The following PDE4D variants were observed in gnomAD, a reference collection of about 807,000 sequenced individuals.
PDE4D encodes the protein phosphodiesterase 4D.
A neutral mutation model predicts 87.4 loss-of-function variants in PDE4D; 24 were observed. That is an observed-to-expected ratio of 0.27 (90% CI 0.20 to 0.39). The LOEUF is 0.39. Ranked by LOEUF, PDE4D falls within the 10% of genes least tolerant of loss-of-function variation. The probability of loss-of-function intolerance (pLI) is 1.00; values close to 1 mark genes in which losing one functional copy is unlikely to be tolerated. For missense variants in PDE4D, 714 were observed against 1,041.0 expected, an observed-to-expected ratio of 0.69 and a Z score of 4.32; for synonymous variants, 384 against 383.2, an observed-to-expected ratio of 1.00 and a Z score of -0.02.
chr5:59,356,969 G>T, intron 1 of PDE4D: 2 of 1,244,716 alleles, frequency 1.6e-6, no homozygotes, highest in South Asian at 2.0e-5. Flanking sequence ...CATTTCCTTT[G>T]TGCAGTGGTA....
At chr5:59,400,069 A>G (rs1248844848) in intron 1 of PDE4D, among the ~76,000 whole-genome samples, 1 of 115,968 alleles carries the variant, frequency 8.6e-6, no homozygotes, top group African/African-American at 3.6e-5. Flanking sequence ...CAATCATTCA[A>G]AAGTCAGGAA....
chr5:59,038,731 A>G, intron 6 of PDE4D, 128 bp downstream of exon 6: 1 of 839,196 alleles, frequency 1.2e-6, no homozygotes, highest in Non-Finnish European at 1.7e-6. Flanking sequence ...TCTAAGGAGC[A>G]GAATAGCCAA....
chr5:60,114,551 A>C (rs1440471607), intron 2 of PDE4D, among the ~76,000 whole-genome samples: 1 of 152,086 alleles, frequency 6.6e-6, no homozygotes, highest in Non-Finnish European at 1.5e-5. Flanking sequence ...ATGAGTACAA[A>C]CCAGAGAACA....
At chr5:59,846,823 G>A (rs1254338522) in intron 1 of PDE4D, among the ~76,000 whole-genome samples, 1 of 152,036 alleles carries the variant, frequency 6.6e-6, no homozygotes, top group Non-Finnish European at 1.5e-5. Flanking sequence ...TTCTTGGTAG[G>A]TGGGAATGTG....
At chr5:60,459,675 G>A (rs541418422) in intron 1 of PDE4D, among the ~76,000 whole-genome samples, 83 of 152,188 alleles carry the variant, frequency 5.5e-4, no homozygotes, top group African/African-American at 1.4e-3. Context: ...ACAGAAAGGC[G>A]TAGAGACACT....
chr5:59,356,390 G>A (rs74782838), intron 1 of PDE4D, among the ~76,000 whole-genome samples: 16,518 of 152,126 alleles, frequency 0.11, 987 homozygotes, highest in Middle Eastern at 0.13. Flanking sequence ...AAACACTTAT[G>A]AAGAATAATG....
chr5:59,201,333 C>G (rs997587801), intron 2 of PDE4D, among the ~76,000 whole-genome samples: 1 of 152,028 alleles, frequency 6.6e-6, no homozygotes, highest in Non-Finnish European at 1.5e-5. Flanking sequence ...TCATGAAACT[C>G]TAATTTCAGA....
chr5:59,828,706 A>T (rs1770619646), intron 1 of PDE4D, among the ~76,000 whole-genome samples: 1 of 152,086 alleles, frequency 6.6e-6, no homozygotes, highest in Non-Finnish European at 1.5e-5. Flanking sequence ...GCCTGACCCC[A>T]TTGTGCGTCC....
chr5:60,472,594 A>G (rs1353779208), intron 1 of PDE4D, among the ~76,000 whole-genome samples: 4 of 152,142 alleles, frequency 2.6e-5, no homozygotes, highest in Non-Finnish European at 4.4e-5. Context: ...CCTAAAGCCC[A>G]TTGTTGCCAA....
intron 1 of PDE4D, among the ~76,000 whole-genome samples, chr5:59,692,215 C>T (rs1416422112): frequency 2.0e-5 from 3 of 152,028 alleles, no homozygotes; most frequent in Non-Finnish European, 2.9e-5. Flanking sequence ...GACTTGAGAA[C>T]CTAGGTATTT....
chr5:60,456,797 A>T (rs1454657311), intron 1 of PDE4D, among the ~76,000 whole-genome samples: 1 of 152,136 alleles, frequency 6.6e-6, no homozygotes, highest in South Asian at 2.1e-4. Context: ...TCTTCTTGTA[A>T]TACCTCATCC....
chr5:60,357,809 A>G (rs1168291436), intron 1 of PDE4D, among the ~76,000 whole-genome samples: 2 of 152,088 alleles, frequency 1.3e-5, no homozygotes, highest in African/African-American at 2.4e-5. Context: ...AACACAAGTA[A>G]TAATAATATG....
At chr5:59,367,873 T>C (rs1359722366) in intron 1 of PDE4D, among the ~76,000 whole-genome samples, 1 of 152,106 alleles carries the variant, frequency 6.6e-6, no homozygotes, top group East Asian at 1.9e-4. Flanking sequence ...GCAAGGAAAT[T>C]TTCCTTTATG....
chr5:59,759,195 T>A (rs1761663784), intron 1 of PDE4D, among the ~76,000 whole-genome samples: 1 of 152,142 alleles, frequency 6.6e-6, no homozygotes, highest in Non-Finnish European at 1.5e-5. Context: ...TCTGAATACA[T>A]AGGAGCTTTT....
At chr5:59,773,103 T>C (rs537477525) in intron 1 of PDE4D, among the ~76,000 whole-genome samples, 1 of 152,302 alleles carries the variant, frequency 6.6e-6, no homozygotes, top group East Asian at 1.9e-4. Context: ...TTATGTGATA[T>C]GAGGAACTTA....
At chr5:60,042,015 G>A (rs560850287) in intron 2 of PDE4D, among the ~76,000 whole-genome samples, 7 of 152,124 alleles carry the variant, frequency 4.6e-5, no homozygotes, top group South Asian at 4.2e-4. Context: ...CTAGCTCAGC[G>A]GATCCCACCC....
At chr5:59,830,753 T>C (rs1215288881) in intron 1 of PDE4D, among the ~76,000 whole-genome samples, 2 of 152,090 alleles carry the variant, frequency 1.3e-5, no homozygotes, top group African/African-American at 4.8e-5. Flanking sequence ...ACATTCTTAT[T>C]TTATGAATAG....
At chr5:59,598,451 T>A (rs1480690031) in intron 1 of PDE4D, among the ~76,000 whole-genome samples, 1 of 152,110 alleles carries the variant, frequency 6.6e-6, no homozygotes, top group Non-Finnish European at 1.5e-5. Context: ...AATTCCCAAC[T>A]CATTTTCAAA....
chr5:59,120,666 T>A (rs1209697974), intron 5 of PDE4D, among the ~76,000 whole-genome samples: 3 of 149,396 alleles, frequency 2.0e-5, no homozygotes, highest in African/African-American at 4.9e-5. Context: ...TTCACAGAAA[T>A]AAAAAAAAAC....
Sources: gnomAD v4.1 joint callset for allele counts (sites outside exome capture counted in the v4.1 genomes callset) on GRCh38, gnomAD v4.1.1 for gene constraint, MANE v1.5 for transcripts, NCBI Gene and HGNC (gene_info 2026-07-23, HGNC 2026-07-21) for gene names.